TFAP2B: variants seen among roughly 807,000 people sequenced by gnomAD.
TFAP2B encodes transcription factor AP-2 beta.
A neutral mutation model predicts 44.3 loss-of-function variants in TFAP2B; 9 were observed. The observed-to-expected ratio is 0.20, with a 90% CI of 0.12 to 0.35. The LOEUF (loss-of-function observed/expected upper bound fraction) is 0.35, where lower values mean the gene tolerates loss of function less well. TFAP2B is among the 10% of genes least tolerant of loss of function. The pLI, the probability that TFAP2B is intolerant of heterozygous loss-of-function variation, is 1.00. For synonymous variants in TFAP2B, 270 were observed against 263.8 expected, an observed-to-expected ratio of 1.02 and a Z score of -0.23; for missense variants, 509 against 600.0, an observed-to-expected ratio of 0.85 and a Z score of 1.59.
intron 6 of TFAP2B, among the ~76,000 whole-genome samples, chr6:50,841,264 G>T (rs192704153): frequency 5.4e-4 from 83 of 152,294 alleles, no homozygotes; most frequent in African/African-American, 1.9e-3. Context: ...CTTTGGTAAT[G>T]AGTACAAACT....
chr6:50,837,482 G>C (rs986171912), intron 4 of TFAP2B, among the ~76,000 whole-genome samples: 1 of 152,120 alleles, frequency 6.6e-6, no homozygotes, highest in Non-Finnish European at 1.5e-5. Flanking sequence ...TTCGATTTCA[G>C]TCTGCCCTCT....
Position 50,838,014 on chromosome 6 carries a change from G to C in TFAP2B, c.861G>C (p.Arg287Ser), listed in dbSNP as rs777687254. 4 of 1,614,188 alleles carry C rather than the reference G, an allele frequency of 2.5e-6. No individual in the cohort carries two copies. The highest frequency in any genetic ancestry group is 1.1e-5 in the South Asian group (1 of 91,084). The change falls in exon 5 of 7, where the codon AGG (arginine) becomes AGC (serine). Residue 287 changes from arginine (R) to serine (S), a missense_variant. Transcript: ENST00000393655. ...SKNGGRSLRE[R>S]LEKIGLNLPA... The stretch of plus-strand genomic sequence containing the variant: ...ATGGGGGGAGATCTTTGCGAGAAAG[G>C]CTAGAAAAAATCGGTTTGAATTTAC...
chr6:50,823,892 A>C (rs13216849), intron 2 of TFAP2B, 27 bp downstream of exon 2: 2 of 1,532,354 alleles, frequency 1.3e-6, no homozygotes, highest in Non-Finnish European at 1.8e-6. Flanking sequence ...AAACAAACAA[A>C]CAAAAAAGAC....
chr6:50,847,600 T>C lies in TFAP2B; in HGVS notation c.*4208T>C, dbSNP rs1253541098. Reference sequence around the variant, plus strand: ...AATCTGATTTACATAAATAAAAAGATTGTTGTGTTTTCATCTTCAGTTTCT... The same window carrying C: ...AATCTGATTTACATAAATAAAAAGACTGTTGTGTTTTCATCTTCAGTTTCT... On this transcript the variant is annotated 3_prime_UTR_variant, in exon 7 of 7. Transcript: ENST00000393655. 1 of 152,332 alleles carries C rather than the reference T, an allele frequency of 6.6e-6. No homozygotes were observed. The highest frequency in any genetic ancestry group is 1.9e-4 in the East Asian group (1 of 5,198). 9.4% of individuals were successfully genotyped at this position (152,332 alleles called of 1,614,324 possible). A position where few individuals can be genotyped will look rare whatever the true frequency, so the allele number is the denominator to read the frequency against.
chr6:50,820,096 G>T (rs1173493020), intron 1 of TFAP2B, among the ~76,000 whole-genome samples: 1 of 152,184 alleles, frequency 6.6e-6, no homozygotes, highest in Non-Finnish European at 1.5e-5. Context: ...CGGGCGAAGC[G>T]GGCCATGGAG....
rs547301591 is a variant in TFAP2B, at chr6:50,844,134, G to C, written c.*742G>C. ...TTTTTGGTGCCGGCCGGCAGAGCAGGTTCTGGCGGCTGAGGAAAATCCGGA... is the reference window on the plus strand; with the variant it reads ...TTTTTGGTGCCGGCCGGCAGAGCAGCTTCTGGCGGCTGAGGAAAATCCGGA... On this transcript the variant is annotated 3_prime_UTR_variant, in exon 7 of 7. Transcript: ENST00000393655. The C allele has an allele frequency of 1.6e-4, 25 of 152,322 alleles. No homozygotes were observed. The highest frequency in any genetic ancestry group is 6.0e-4 in the African/African-American group (25 of 41,564). The allele number at this position is 152,322 out of a possible 1,614,324, so 9.4% of individuals were successfully genotyped here. A position where few individuals can be genotyped will look rare whatever the true frequency, so the allele number is the denominator to read the frequency against.
At chr6:50,842,000 C>T (rs1363992838) in intron 6 of TFAP2B, among the ~76,000 whole-genome samples, 2 of 152,236 alleles carry the variant, frequency 1.3e-5, no homozygotes, top group East Asian at 1.9e-4. Context: ...AGTCCAATCA[C>T]CTGCCCTGTT....
In TFAP2B at chr6:50,823,473, C is replaced by T; in HGVS notation, c.148C>T (p.Pro50Ser). 4.3e-6 allele frequency: 7 copies of T among 1,612,288 alleles called. No homozygotes were observed. The highest frequency in any genetic ancestry group is 5.9e-6 in the Non-Finnish European group (7 of 1,179,402). ...LSQLGSVSQG[P>S]YSSAPPLSHT... ...CCAGCTGGGCTCGGTGTCCCAAGGACCCTACTCGAGCGCCCCGCCGCTGTC... is the reference window on the plus strand; with the variant it reads ...CCAGCTGGGCTCGGTGTCCCAAGGATCCTACTCGAGCGCCCCGCCGCTGTC... The change falls in exon 2 of 7, where the codon CCC (proline) becomes TCC (serine). Residue 50 changes from proline (P) to serine (S), a missense_variant. By Grantham distance (74) the Pro-to-Ser change is moderately conservative. This residue lies in a region of TFAP2B where 296 missense variants were observed against 308.2 expected (regional missense o/e 0.96). Coordinates refer to ENST00000393655, the MANE Select transcript of TFAP2B (RefSeq NM_003221.4).
chr6:50,822,167 T>C (rs1770370897), intron 1 of TFAP2B: 5 of 1,303,858 alleles, frequency 3.8e-6, no homozygotes, highest in South Asian at 1.2e-5. Context: ...CATGGTGAGT[T>C]TGGATTCACG....
intron 4 of TFAP2B, among the ~76,000 whole-genome samples, chr6:50,837,348 C>T (rs1428817632): frequency 6.6e-6 from 1 of 152,086 alleles, no homozygotes; most frequent in African/African-American, 2.4e-5. Context: ...TTCAATCACC[C>T]CCTGAACATT....
intron 3 of TFAP2B, among the ~76,000 whole-genome samples, chr6:50,829,732 C>T (rs1361011539): frequency 1.3e-5 from 2 of 152,154 alleles, no homozygotes; most frequent in Non-Finnish European, 2.9e-5. Flanking sequence ...GTAATTCATC[C>T]AGACTCAAAT....
rs1405721072 is a variant in TFAP2B, at chr6:50,844,932, A to G, written c.*1540A>G. On this transcript the variant is annotated 3_prime_UTR_variant, in exon 7 of 7. Coordinates refer to ENST00000393655, the MANE Select transcript of TFAP2B (RefSeq NM_003221.4). ...TGGCAAAATAATGCAAAGTGAAGGG[A>G]GATGTATTTCAGCTTTGATTTTTAC... The G allele has an allele frequency of 2.0e-5, 3 of 152,200 alleles. No individual in the cohort carries two copies. The highest frequency in any genetic ancestry group is 1.9e-4 in the East Asian group (1 of 5,186). The allele number at this position is 152,200 out of a possible 1,614,324, so 9.4% of individuals were successfully genotyped here. A position where few individuals can be genotyped will look rare whatever the true frequency, so the allele number is the denominator to read the frequency against.
rs1160710369 is a variant in TFAP2B, at chr6:50,844,075, C to CG, written c.*686dup. 1.3e-5 allele frequency: 2 copies of CG among 152,436 alleles called. No homozygotes were observed. The highest frequency in any genetic ancestry group is 2.9e-5 in the Non-Finnish European group (2 of 68,170). The allele number at this position is 152,436 out of a possible 1,614,324, so 9.4% of individuals were successfully genotyped here. ...ATAATTAGGGAGGGCGAGGGCGGGG[C>CG]GGGAGGCCTGTGGAGACCAGGCGGA... On this transcript the variant is annotated 3_prime_UTR_variant, in exon 7 of 7. Transcript: ENST00000393655.
At chr6:50,818,571 CTT>C (rs1301804661), upstream of TFAP2B, among the ~76,000 whole-genome samples, 1 of 152,110 alleles carries the variant, frequency 6.6e-6, no homozygotes, top group Non-Finnish European at 1.5e-5. Flanking sequence ...CTGAACAACT[CTT>C]TGTTAAATGC....
At chr6:50,827,362 A>G (rs1200668797) in intron 2 of TFAP2B, among the ~76,000 whole-genome samples, 2 of 152,254 alleles carry the variant, frequency 1.3e-5, no homozygotes, top group African/African-American at 4.8e-5. Context: ...CAGCAAGGAT[A>G]ACAATTCCTA....
At chr6:50,821,955 G>C in intron 1 of TFAP2B, 1 of 319,034 alleles carries the variant, frequency 3.1e-6, no homozygotes, top group African/African-American at 3.1e-5. Context: ...TGTGTGACAG[G>C]CATCGCCAAT....
chr6:50,837,850 G>A (rs1395014498), intron 4 of TFAP2B, 125 bp from the exon 5 acceptor site: 2 of 818,924 alleles, frequency 2.4e-6, no homozygotes, highest in Admixed American at 1.7e-5. Flanking sequence ...AAAAGGAAGG[G>A]GGAAAAATGT....
intron 1 of TFAP2B, chr6:50,822,063 T>C: frequency 8.6e-7 from 1 of 1,161,816 alleles, no homozygotes; most frequent in Non-Finnish European, 1.2e-6. Flanking sequence ...AGCTCGCTTC[T>C]CTGCTGGACT....
At chr6:50,835,936 AC>A (rs1347093238) in intron 3 of TFAP2B, 124 bp from the exon 4 acceptor site, 2 of 838,856 alleles carry the variant, frequency 2.4e-6, no homozygotes, top group East Asian at 4.8e-5. Flanking sequence ...ACTGGAATAA[AC>A]ACTTCCTCCC....
Sources: gnomAD v4.1 joint callset for allele counts (sites outside exome capture counted in the v4.1 genomes callset) on GRCh38, gnomAD v4.1.1 for gene constraint, gnomAD v4.1.1 regional missense constraint, MANE v1.5 for transcripts, NCBI Gene and HGNC (gene_info 2026-07-23, HGNC 2026-07-21) for gene names.